Variants in LRRC4C observed in about 807,000 individuals in gnomAD.
LRRC4C encodes the protein leucine rich repeat containing 4C, also known as leucine-rich repeat-containing protein 4C.
In LRRC4C, 5 loss-of-function variants were observed where a neutral mutation model predicts 33.6. The ratio of observed to expected loss-of-function variants is 0.15; its 90% CI spans 0.08 to 0.31. LRRC4C has a LOEUF of 0.31. Among genes scored for constraint, LRRC4C ranks in the 10% least tolerant of loss-of-function variants. LRRC4C has a pLI of 1.00. For missense variants in LRRC4C, 560 were observed against 796.7 expected (o/e 0.70, Z 3.58); for synonymous variants, 329 against 302.0 (o/e 1.09, Z -0.93).
intron 2 of LRRC4C, among the ~76,000 whole-genome samples, chr11:40,733,408 A>T (rs73473348): frequency 0.19 from 29,296 of 151,984 alleles, 2,927 homozygotes; most frequent in Non-Finnish European, 0.21. Context: ...AGTTTTTGCC[A>T]TATATCTTTA....
intron 3 of LRRC4C, among the ~76,000 whole-genome samples, chr11:40,381,684 C>A (rs574278246): frequency 9.3e-4 from 141 of 152,112 alleles, no homozygotes; most frequent in Non-Finnish European, 1.6e-3. Context: ...TTTGCTGTAA[C>A]AAAGCCACCT....
intron 3 of LRRC4C, among the ~76,000 whole-genome samples, chr11:40,582,747 C>A (rs1017079492): frequency 6.6e-6 from 1 of 151,970 alleles, no homozygotes; most frequent in Non-Finnish European, 1.5e-5. Context: ...GAACTCCTAA[C>A]CTCAGGTGAT....
chr11:41,033,286 G>A (rs1393953011), intron 1 of LRRC4C, among the ~76,000 whole-genome samples: 1 of 152,076 alleles, frequency 6.6e-6, no homozygotes, highest in African/African-American at 2.4e-5. Context: ...AAGGTGAAAT[G>A]GTTATTAACT....
At chr11:41,437,354 C>G (rs1187002040) in intron 1 of LRRC4C, among the ~76,000 whole-genome samples, 1 of 152,060 alleles carries the variant, frequency 6.6e-6, no homozygotes, top group Non-Finnish European at 1.5e-5. Context: ...TCACTGCCTT[C>G]TTTTCCAACC....
At chr11:40,450,775 T>TA (rs768633791) in intron 3 of LRRC4C, among the ~76,000 whole-genome samples, 152 of 129,114 alleles carry the variant, frequency 1.2e-3, no homozygotes, top group Middle Eastern at 4.1e-3. Flanking sequence ...CCCTGAAAAT[T>TA]AAAAAAAAAA....
At chr11:40,582,489 G>A (rs182231352) in intron 3 of LRRC4C, among the ~76,000 whole-genome samples, 161 of 139,870 alleles carry the variant, frequency 1.2e-3, no homozygotes, top group Middle Eastern at 4.1e-3. Flanking sequence ...TCTTCTTATC[G>A]TACTTATTTC....
chr11:41,175,005 C>T (rs900365022), intron 1 of LRRC4C, among the ~76,000 whole-genome samples: 39 of 151,766 alleles, frequency 2.6e-4, no homozygotes, highest in African/African-American at 9.4e-4. Context: ...TCTTTTCATT[C>T]ACATCCTTAT....
At chr11:41,267,775 C>T (rs2136802321) in intron 1 of LRRC4C, among the ~76,000 whole-genome samples, 1 of 152,088 alleles carries the variant, frequency 6.6e-6, no homozygotes, top group South Asian at 2.1e-4. Context: ...ATCTCAATTG[C>T]TTTAGAATGA....
chr11:40,456,971 C>T (rs887272231), intron 3 of LRRC4C, among the ~76,000 whole-genome samples: 4 of 151,520 alleles, frequency 2.6e-5, no homozygotes, highest in African/African-American at 9.7e-5. Flanking sequence ...ATTATGTGTG[C>T]TATACAGTAG....
chr11:41,085,262 A>G (rs539869745), intron 1 of LRRC4C, among the ~76,000 whole-genome samples: 1 of 152,310 alleles, frequency 6.6e-6, no homozygotes, highest in African/African-American at 2.4e-5. Flanking sequence ...TGGAGCAGGA[A>G]AAAAAGTAAA....
chr11:41,420,891 T>A (rs760416455), intron 1 of LRRC4C, among the ~76,000 whole-genome samples: 1 of 152,046 alleles, frequency 6.6e-6, no homozygotes, highest in Non-Finnish European at 1.5e-5. Context: ...TTGTTACAAC[T>A]ATTCAATAGA....
At chr11:40,699,847 T>C (rs1945778436) in intron 2 of LRRC4C, among the ~76,000 whole-genome samples, 2 of 152,168 alleles carry the variant, frequency 1.3e-5, no homozygotes, top group African/African-American at 4.8e-5. Context: ...AGATATCTTA[T>C]TTCGGTGACT....
chr11:40,729,121 C>T (rs1170669753), intron 2 of LRRC4C, among the ~76,000 whole-genome samples: 1 of 152,024 alleles, frequency 6.6e-6, no homozygotes, highest in Non-Finnish European at 1.5e-5. Context: ...CATGTACCCC[C>T]ATATCTAAAA....
chr11:40,127,451 C>T (rs180732053), intron 6 of LRRC4C, among the ~76,000 whole-genome samples: 134 of 152,006 alleles, frequency 8.8e-4, no homozygotes, highest in African/African-American at 3.1e-3. Flanking sequence ...AGGACTTACA[C>T]TATAGAAGTT....
intron 1 of LRRC4C, among the ~76,000 whole-genome samples, chr11:41,127,565 C>A (rs1405681226): frequency 6.6e-6 from 1 of 151,884 alleles, no homozygotes; most frequent in Non-Finnish European, 1.5e-5. Flanking sequence ...TTATTATTCA[C>A]CAAAATATAT....
In LRRC4C at chr11:40,535,237, CT is replaced by C. The variant is rs552711028; in HGVS notation, c.-270+112904del. Among the ~76,000 whole-genome samples, 525 of 152,216 alleles carry C rather than the reference CT, an allele frequency of 3.4e-3. 6 individuals carry two copies. The highest frequency in any genetic ancestry group is 0.012 in the African/African-American group (509 of 41,542). ...AAGCAACAGACTTCGAAAATAGGTT[CT>C]GTTTGGAAAAGCAAGGAATTCCAAA... On this transcript the variant is annotated intron_variant, in intron 3 of 6. Transcript: ENST00000528697.
intron 3 of LRRC4C, among the ~76,000 whole-genome samples, chr11:40,646,718 T>C (rs1942485469): frequency 6.6e-6 from 1 of 152,170 alleles, no homozygotes; most frequent in South Asian, 2.1e-4. Flanking sequence ...GCCATTCTCC[T>C]GCCTCAGCCT....
At chr11:40,943,129 T>C (rs1205118029) in intron 1 of LRRC4C, among the ~76,000 whole-genome samples, 2 of 152,224 alleles carry the variant, frequency 1.3e-5, no homozygotes. Flanking sequence ...ATGGAGTTGT[T>C]CTCTGAGAGG....
At chr11:40,846,924 T>C (rs1953207247) in intron 2 of LRRC4C, among the ~76,000 whole-genome samples, 1 of 152,142 alleles carries the variant, frequency 6.6e-6, no homozygotes, top group East Asian at 1.9e-4. Flanking sequence ...GTGGCAATTG[T>C]GAGTGGGTGT....
Sources: gnomAD v4.1 joint callset for allele counts (sites outside exome capture counted in the v4.1 genomes callset) on GRCh38, gnomAD v4.1.1 for gene constraint, MANE v1.5 for transcripts, NCBI Gene and HGNC (gene_info 2026-07-23, HGNC 2026-07-21) for gene names.